Variants in CEP85L observed in about 807,000 individuals in gnomAD.
CEP85L encodes the protein centrosomal protein of 85 kDa-like.
A neutral mutation model predicts 100.3 loss-of-function variants in CEP85L; 60 were observed. The observed-to-expected ratio is 0.60, with a 90% CI of 0.49 to 0.74. The LOEUF (loss-of-function observed/expected upper bound fraction) is 0.74. Ranked by LOEUF, CEP85L falls within the 30% of genes least tolerant of loss-of-function variation. The pLI is 0.00. For missense variants in CEP85L, 973 were observed against 936.2 expected (o/e 1.04, Z -0.51); for synonymous variants, 319 against 322.7 (o/e 0.99, Z 0.12).
Position 118,475,635 on chromosome 6 carries a change from T to G in CEP85L, c.1914+4236A>C, listed in dbSNP as rs529150923. Among the ~76,000 whole-genome samples the G allele has an allele frequency of 1.5e-4, 23 of 152,202 alleles. No individual in the cohort carries two copies. In the East Asian group the frequency reaches 4.1e-3, roughly 27 times the overall value. On this transcript the variant is annotated intron_variant, in intron 10 of 12. Transcript: ENST00000368491. The stretch of plus-strand genomic sequence containing the variant: ...TCCCAAAGTGCTGGGATGACAGGTG[T>G]GAGCCACCACGCCCGGTGACTTATA...
At chr6:118,577,455 CA>C (rs1324158986) in intron 2 of CEP85L, among the ~76,000 whole-genome samples, 1 of 152,212 alleles carries the variant, frequency 6.6e-6, no homozygotes, top group Non-Finnish European at 1.5e-5. Context: ...CAGAGTTCCA[CA>C]AGGGGTGCCA....
chr6:118,612,803 T>C (rs184790672), intron 2 of CEP85L, among the ~76,000 whole-genome samples: 3 of 150,984 alleles, frequency 2.0e-5, no homozygotes, highest in African/African-American at 4.9e-5. Flanking sequence ...ATTGCTGAAA[T>C]TGAAAACAGA....
intron 1 of CEP85L, among the ~76,000 whole-genome samples, chr6:118,668,344 AG>A (rs1193359925): frequency 6.6e-6 from 1 of 152,224 alleles, no homozygotes; most frequent in East Asian, 1.9e-4. Context: ...AAGTCCCATA[AG>A]GTATGCTTAC....
chr6:118,558,946 C>G, intron 3 of CEP85L: 2 of 1,613,780 alleles, frequency 1.2e-6, no homozygotes, highest in Non-Finnish European at 1.7e-6. Context: ...ATACCTCACT[C>G]GCTCAGCTAT....
At chr6:118,633,532 T>A (rs1226430607) in intron 1 of CEP85L, among the ~76,000 whole-genome samples, 3 of 152,168 alleles carry the variant, frequency 2.0e-5, no homozygotes, top group African/African-American at 7.2e-5. Context: ...TAAATACTTT[T>A]TAGCTAATTT....
intron 1 of CEP85L, among the ~76,000 whole-genome samples, chr6:118,696,172 G>A (rs754642190): frequency 6.6e-6 from 1 of 152,098 alleles, no homozygotes; most frequent in Non-Finnish European, 1.5e-5. Context: ...TCGGGAGGCT[G>A]AGGCAGGAGA....
At chr6:118,535,007 C>T (rs572438009) in intron 3 of CEP85L, among the ~76,000 whole-genome samples, 64 of 151,998 alleles carry the variant, frequency 4.2e-4, no homozygotes, top group African/African-American at 1.5e-3. Context: ...CCAGCCTGGG[C>T]GACAGTACAG....
At position 118,483,223 on chromosome 6, in the gene CEP85L, G is replaced by T. The variant is rs554014422; in HGVS notation, c.1590+483C>A. Among the ~76,000 whole-genome samples the T allele has an allele frequency of 2.0e-4, 30 of 151,904 alleles. 1 individual carries two copies. In the East Asian group the frequency reaches 5.8e-3, roughly 29 times the overall value. On this transcript the variant is annotated intron_variant, in intron 7 of 12. Transcript: ENST00000368491. ...CCTCAGTTAGGAGAAAGACTCTGAGGTATTGTTAAGGAAAAAAAAATAAAT... is the reference window on the plus strand; with the variant it reads ...CCTCAGTTAGGAGAAAGACTCTGAGTTATTGTTAAGGAAAAAAAAATAAAT...
chr6:118,520,516 T>C (rs1481775550), intron 4 of CEP85L, among the ~76,000 whole-genome samples: 1 of 152,206 alleles, frequency 6.6e-6, no homozygotes, highest in African/African-American at 2.4e-5. Flanking sequence ...ATATCCATCA[T>C]CTCAACCTTT....
intron 1 of CEP85L, among the ~76,000 whole-genome samples, chr6:118,687,947 A>G (rs2638532): frequency 0.71 from 107,348 of 151,898 alleles, 38,680 homozygotes; most frequent in Non-Finnish European, 0.76. Context: ...TGGATTCCAC[A>G]GTTCTCTTCC....
intron 12 of CEP85L, among the ~76,000 whole-genome samples, chr6:118,465,949 T>C (rs891731342): frequency 8.5e-5 from 13 of 152,194 alleles, no homozygotes; most frequent in African/African-American, 3.1e-4. Context: ...GTATCTTACA[T>C]ATTTACGACT....
rs1213659225 is a variant in CEP85L, at chr6:118,565,551, T to G, written c.998A>C (p.Gln333Pro). 1 of 1,614,188 alleles carries G rather than the reference T, an allele frequency of 6.2e-7. No individual in the cohort carries two copies. Among genetic ancestry groups the G allele is most frequent in the East Asian group, 2.2e-5 (1 of 44,878 alleles). ...TACCTGCATTGGTGTTTCACTTCCT[T>G]GTCGAAAGTCTTCAATTTGCTGCTG... ...WQQQQIEDFRQGSETPMQVLT... is the reference protein window; with the variant it reads ...WQQQQIEDFRPGSETPMQVLT... The change falls in exon 3 of 13, where the codon CAA (glutamine) becomes CCA (proline). Residue 333 changes from glutamine to proline, a missense_variant. By Grantham distance (76) the Gln-to-Pro change is moderately conservative. Transcript: ENST00000368491.
rs567178386 is a variant in CEP85L, at chr6:118,517,537, C to CTG, written c.1140-6124_1140-6123dup. Among the ~76,000 whole-genome samples, 290 of 152,240 alleles carry CTG rather than the reference C, an allele frequency of 1.9e-3. 1 individual carries two copies. The highest frequency in any genetic ancestry group is 3.0e-3 in the Non-Finnish European group (203 of 67,992). ...ATGAGTTCACTCATGATTTGCCTCT[C>CTG]TGTTTGTCTGTTATTGGTGTATAGG... On this transcript the variant is annotated intron_variant, in intron 4 of 12. Transcript: ENST00000368491.
At chr6:118,586,067 C>T (rs926071443) in intron 2 of CEP85L, among the ~76,000 whole-genome samples, 4 of 152,136 alleles carry the variant, frequency 2.6e-5, no homozygotes, top group African/African-American at 4.8e-5. Flanking sequence ...AGCTGTCACA[C>T]AAGGGATCTC....
chr6:118,466,983 T>C (rs1167995389), intron 12 of CEP85L, among the ~76,000 whole-genome samples: 1 of 152,046 alleles, frequency 6.6e-6, no homozygotes, highest in Non-Finnish European at 1.5e-5. Context: ...TGGGCAGGGA[T>C]TGGGCACAGG....
intron 2 of CEP85L, among the ~76,000 whole-genome samples, chr6:118,599,086 CCTGT>C (rs2115162872): frequency 6.6e-6 from 1 of 152,222 alleles, no homozygotes; most frequent in South Asian, 2.1e-4. Flanking sequence ...ATAACCTAGC[CCTGT>C]CCTCTGAAAG....
chr6:118,586,746 C>T (rs1186050069), intron 2 of CEP85L, among the ~76,000 whole-genome samples: 1 of 152,176 alleles, frequency 6.6e-6, no homozygotes, highest in African/African-American at 2.4e-5. Context: ...TCAACAAATA[C>T]TTTTTGTCAT....
chr6:118,638,427 GTCTTTAGACAAGTCAA>G (rs1263192975), intron 1 of CEP85L, among the ~76,000 whole-genome samples: 2 of 151,866 alleles, frequency 1.3e-5, no homozygotes, highest in African/African-American at 4.8e-5. Context: ...GACATGACTT[GTCTTTAGACAAGTCAA>G]TCCAGAAGCA....
rs375443089 is a variant in CEP85L, at chr6:118,469,307, C to G, written c.2023-4G>C. ...TCTCATCTGTTTGTCTTTGGTTCTG[C>G]AAGGATAAAGAAAACAAACATCAGA... On this transcript the variant is annotated splice_polypyrimidine_tract_variant and splice_region_variant and intron_variant, in intron 11 of 12. Transcript: ENST00000368491. The G allele has an allele frequency of 5.6e-6, 9 of 1,608,786 alleles. No individual in the cohort carries two copies. The African/African-American group carries it at 9.4e-5, about 17-fold the overall frequency.
Sources: gnomAD v4.1 joint callset for allele counts (sites outside exome capture counted in the v4.1 genomes callset) on GRCh38, gnomAD v4.1.1 for gene constraint, MANE v1.5 for transcripts, NCBI Gene and HGNC (gene_info 2026-07-23, HGNC 2026-07-21) for gene names.